Variants in KSR1 observed in about 807,000 individuals in gnomAD.
The protein encoded by KSR1 is kinase suppressor of ras.
KSR1 carries 35 observed loss-of-function variants against 92.9 expected under a neutral mutation model. The ratio of observed to expected loss-of-function variants is 0.38; its 90% confidence interval spans 0.29 to 0.50. KSR1 has a LOEUF of 0.50. Among genes scored for constraint, KSR1 ranks in the 20% least tolerant of loss-of-function variants. KSR1 has a pLI of 0.94. For synonymous variants in KSR1, 467 were observed against 472.6 expected, an observed-to-expected ratio of 0.99 and a Z score of 0.15; for missense variants, 972 against 1,158.5, an observed-to-expected ratio of 0.84 and a Z score of 2.34.
chr17:27,491,421 C>T (rs981997450), intron 1 of KSR1, among the ~76,000 whole-genome samples: 1 of 151,832 alleles, frequency 6.6e-6, no homozygotes, highest in East Asian at 1.9e-4. Flanking sequence ...AACTCCTGAC[C>T]TCAAGTGATC....
At chr17:27,531,641 G>A (rs2070543770) in intron 1 of KSR1, among the ~76,000 whole-genome samples, 1 of 152,194 alleles carries the variant, frequency 6.6e-6, no homozygotes, top group Non-Finnish European at 1.5e-5. Context: ...GCAGCTGCTT[G>A]GGGCATGCTG....
At chr17:27,588,382 C>A in intron 5 of KSR1, 93 bp from the exon 6 acceptor site, 1 of 1,139,802 alleles carries the variant, frequency 8.8e-7, no homozygotes, top group Non-Finnish European at 1.2e-6. Context: ...TTGCGCCCCC[C>A]TCTAGCCTGT....
intron 1 of KSR1, among the ~76,000 whole-genome samples, chr17:27,526,044 T>TTTCTTTTCTTTTCTTTTCTC (rs1555576232): frequency 4.1e-5 from 5 of 122,930 alleles, no homozygotes; most frequent in East Asian, 4.6e-4. Flanking sequence ...TTTCTTTTCT[T>TTTCTTTTCTTTTCTTTTCTC]TCTCTCTCTC....
At chr17:27,621,850 A>G in intron 20 of KSR1, 1 of 1,460,184 alleles carries the variant, frequency 6.8e-7, no homozygotes, top group East Asian at 2.3e-5. Context: ...CTCTGGCCAG[A>G]CCTCTAGCTC....
At chr17:27,505,992 T>C (rs2069365298) in intron 1 of KSR1, among the ~76,000 whole-genome samples, 1 of 152,158 alleles carries the variant, frequency 6.6e-6, no homozygotes, top group South Asian at 2.1e-4. Flanking sequence ...ATTTTTTTCT[T>C]TTCCTAGAAG....
intron 1 of KSR1, among the ~76,000 whole-genome samples, chr17:27,466,894 C>T (rs889499175): frequency 2.6e-5 from 4 of 152,188 alleles, no homozygotes; most frequent in Non-Finnish European, 4.4e-5. Flanking sequence ...TCATTTTCCC[C>T]GGTCGCTGAG....
At chr17:27,510,141 G>A (rs1200800706) in intron 1 of KSR1, among the ~76,000 whole-genome samples, 2 of 152,240 alleles carry the variant, frequency 1.3e-5, no homozygotes, top group African/African-American at 4.8e-5. Context: ...TGTCCGGAGA[G>A]AACCTTTCTG....
At chr17:27,497,504 C>A (rs984530532) in intron 1 of KSR1, among the ~76,000 whole-genome samples, 2 of 152,174 alleles carry the variant, frequency 1.3e-5, no homozygotes, top group African/African-American at 4.8e-5. Flanking sequence ...CTGAATGTGA[C>A]CTCCCTTTCT....
At chr17:27,507,766 G>A (rs1278748643) in intron 1 of KSR1, among the ~76,000 whole-genome samples, 2 of 151,464 alleles carry the variant, frequency 1.3e-5, no homozygotes, top group African/African-American at 4.9e-5. Context: ...GTAGAGAAAG[G>A]GTTTCTCCAT....
chr17:27,592,823 A>G (rs2073213592), intron 9 of KSR1, among the ~76,000 whole-genome samples, 197 bp downstream of exon 9: 1 of 152,184 alleles, frequency 6.6e-6, no homozygotes, highest in Admixed American at 6.5e-5. Flanking sequence ...TACAGCCGTG[A>G]TTCCCAGTCC....
chr17:27,530,466 G>A (rs1403908162), intron 1 of KSR1, among the ~76,000 whole-genome samples: 1 of 151,906 alleles, frequency 6.6e-6, no homozygotes, highest in East Asian at 1.9e-4. Flanking sequence ...AAAAGACCCA[G>A]CAGGGCAGAT....
At chr17:27,517,154 C>T (rs2069829402) in intron 1 of KSR1, among the ~76,000 whole-genome samples, 1 of 152,150 alleles carries the variant, frequency 6.6e-6, no homozygotes, top group African/African-American at 2.4e-5. Flanking sequence ...AACTGAGATC[C>T]TAGCACCTTT....
chr17:27,601,423 A>G (rs188375423), intron 11 of KSR1, 22 bp downstream of exon 11: 4 of 1,608,136 alleles, frequency 2.5e-6, no homozygotes, highest in Middle Eastern at 3.3e-4. Context: ...GCATGGTTCC[A>G]TTAACTGCCC....
At chr17:27,591,996 C>CT (rs1336461924) in intron 7 of KSR1, among the ~76,000 whole-genome samples, 2 of 152,208 alleles carry the variant, frequency 1.3e-5, no homozygotes, top group Non-Finnish European at 2.9e-5. Flanking sequence ...CATTATCTGT[C>CT]TAATTCTTTT....
chr17:27,595,822 TCTC>T (rs1015285447), intron 9 of KSR1, among the ~76,000 whole-genome samples: 4 of 151,672 alleles, frequency 2.6e-5, no homozygotes, highest in African/African-American at 9.7e-5. Context: ...TTCTCAGGGG[TCTC>T]CTCTGTGCTG....
intron 19 of KSR1, among the ~76,000 whole-genome samples, chr17:27,619,206 C>T (rs2074147903): frequency 6.6e-6 from 1 of 152,134 alleles, no homozygotes; most frequent in Admixed American, 6.6e-5. Context: ...ACTCCCATAC[C>T]TGGCGCCAGG....
rs117057125 is a variant in KSR1, at chr17:27,568,723, C to T, written c.373-8769C>T. Among the ~76,000 whole-genome samples, 164 of 152,306 alleles carry T rather than the reference C, an allele frequency of 1.1e-3. 1 individual carries two copies. In the East Asian group the frequency reaches 0.023, roughly 21 times the overall value. ...CCCTGCACCCTCCTCATAGGATTACCGCATCCCAGTTTGCCGGCAACAGTC... is the reference window on the plus strand; with the variant it reads ...CCCTGCACCCTCCTCATAGGATTACTGCATCCCAGTTTGCCGGCAACAGTC... On this transcript the variant is annotated intron_variant, in intron 2 of 20. Transcript: ENST00000644974.
At chr17:27,597,882 T>TA (rs1433379269) in intron 10 of KSR1, among the ~76,000 whole-genome samples, 1 of 152,206 alleles carries the variant, frequency 6.6e-6, no homozygotes, top group Non-Finnish European at 1.5e-5. Context: ...GTGATCTGGG[T>TA]AAGCTCCTTC....
At chr17:27,492,200 C>T (rs187873874) in intron 1 of KSR1, among the ~76,000 whole-genome samples, 32 of 152,212 alleles carry the variant, frequency 2.1e-4, no homozygotes, top group Admixed American at 1.7e-3. Flanking sequence ...CATGAAGGCT[C>T]TAGGAAAGTA....
Sources: allele counts gnomAD v4.1 joint callset (sites outside exome capture counted in the v4.1 genomes callset), GRCh38; gene constraint gnomAD v4.1.1; transcripts MANE v1.5; gene names NCBI Gene and HGNC (gene_info 2026-07-23, HGNC 2026-07-21).